PRDM1: variants seen among roughly 807,000 people sequenced by gnomAD.
PRDM1 encodes the protein PR/SET domain 1.
In PRDM1, 13 loss-of-function variants were observed where a neutral mutation model predicts 62.8. The observed-to-expected ratio is 0.21, with a 90% confidence interval of 0.13 to 0.33. The LOEUF (loss-of-function observed/expected upper bound fraction) is 0.33, where lower values mean the gene tolerates loss of function less well. Ranked by LOEUF, PRDM1 falls within the 10% of genes least tolerant of loss-of-function variation. PRDM1 has a pLI of 1.00. For missense variants in PRDM1, 895 were observed against 1,058.8 expected (o/e 0.85, Z 2.15); for synonymous variants, 396 against 417.6 (o/e 0.95, Z 0.63).
intron 1 of PRDM1, among the ~76,000 whole-genome samples, chr6:106,025,709 AG>A (rs1323444958): frequency 6.6e-6 from 1 of 152,260 alleles, no homozygotes; most frequent in African/African-American, 2.4e-5. Flanking sequence ...ATAATAACAT[AG>A]CATTATTATG....
intron 1 of PRDM1, among the ~76,000 whole-genome samples, chr6:106,012,965 G>A (rs1215773581): frequency 6.6e-6 from 1 of 152,202 alleles, no homozygotes; most frequent in Non-Finnish European, 1.5e-5. Flanking sequence ...AGGCTGGAGT[G>A]CAGTGGCACC....
At chr6:106,062,068 T>G (rs1773353270) in intron 1 of PRDM1, among the ~76,000 whole-genome samples, 1 of 152,220 alleles carries the variant, frequency 6.6e-6, no homozygotes, top group Non-Finnish European at 1.5e-5. Context: ...TCATCAGTGT[T>G]GCAGAGCAAG....
chr6:106,015,096 G>A (rs1394681021), intron 1 of PRDM1, among the ~76,000 whole-genome samples: 1 of 152,190 alleles, frequency 6.6e-6, no homozygotes. Flanking sequence ...TGCTGGGATG[G>A]ATAACTCAAA....
chr6:106,099,377 T>C lies in PRDM1; in HGVS notation c.489T>C (p.Asn163=). The part of the protein sequence containing the change: ...EEKSNWMRYV[N]PAHSPREQNL... ...AAAGCAACTGGATGCGCTATGTGAA[T>C]CCAGCACACTCTCCCCGGGAGCAAA... The change falls in exon 4 of 7, where the codon AAT becomes AAC. Residue 163 remains asparagine (N), a synonymous_variant. Coordinates refer to ENST00000369096, the MANE Select transcript of PRDM1 (RefSeq NM_001198.4). 3 of 1,614,168 alleles carry C rather than the reference T, an allele frequency of 1.9e-6. No individual in the cohort carries two copies. Among genetic ancestry groups the C allele is most frequent in the African/African-American group, 2.7e-5 (2 of 75,044 alleles).
intron 1 of PRDM1, among the ~76,000 whole-genome samples, chr6:106,064,635 G>T (rs1193815773): frequency 1.3e-5 from 2 of 152,170 alleles, no homozygotes; most frequent in African/African-American, 4.8e-5. Flanking sequence ...TTTCCTGGCT[G>T]TATAGGCATA....
upstream of PRDM1, among the ~76,000 whole-genome samples, chr6:106,085,478 G>C (rs1454770113): frequency 1.2e-4 from 18 of 152,192 alleles, no homozygotes; most frequent in African/African-American, 4.8e-5. Context: ...CAAGGTCCAC[G>C]CTCTTAATAA....
upstream of PRDM1, among the ~76,000 whole-genome samples, chr6:106,044,194 CT>C (rs559769433): frequency 9.8e-3 from 1,261 of 128,026 alleles, 2 homozygotes; most frequent in South Asian, 0.018. Flanking sequence ...TTTTTTCTTT[CT>C]TTTTTTTTTT....
At chr6:106,009,623 G>T (rs925594002) in intron 1 of PRDM1, among the ~76,000 whole-genome samples, 3 of 152,186 alleles carry the variant, frequency 2.0e-5, no homozygotes, top group Admixed American at 2.0e-4. Context: ...AATTAGGGGT[G>T]CATGTATGAG....
Position 106,107,297 on chromosome 6 carries a change from C to G in PRDM1, c.2289C>G (p.Val763=). The G allele has an allele frequency of 1.2e-6, 2 of 1,614,028 alleles. No individual in the cohort carries two copies. The highest frequency in any genetic ancestry group is 1.7e-6 in the Non-Finnish European group (2 of 1,180,012). The change falls in exon 7 of 7, where the codon GTC becomes GTG. Residue 763 remains valine, a synonymous_variant. Transcript: ENST00000369096. ...TGGAGAAGGAAATTCTGGCCGTGGT[C>G]AGAAAAGAGAAAGAAGAAACTGGCC... ...SVVEKEILAV[V]RKEKEETGLK...
At chr6:106,044,412 T>G (rs898475470), upstream of PRDM1, among the ~76,000 whole-genome samples, 2 of 152,200 alleles carry the variant, frequency 1.3e-5, no homozygotes, top group Non-Finnish European at 2.9e-5. Context: ...CACTTAGTAC[T>G]TTTTGCCAAG....
intron 1 of PRDM1, among the ~76,000 whole-genome samples, chr6:105,997,984 A>G (rs1323945111): frequency 6.6e-6 from 1 of 152,254 alleles, no homozygotes; most frequent in African/African-American, 2.4e-5. Flanking sequence ...AAACTGGTTG[A>G]GTTTAGAAAT....
intron 1 of PRDM1, among the ~76,000 whole-genome samples, chr6:106,074,639 A>T (rs1290445192): frequency 6.6e-6 from 1 of 152,160 alleles, no homozygotes; most frequent in Non-Finnish European, 1.5e-5. Context: ...GAAATAGATG[A>T]AACAACTATA....
In PRDM1 at chr6:106,066,656, T is replaced by C. The variant is rs187893360; in HGVS notation, c.-67+17942T>C. Among the ~76,000 whole-genome samples, 3 of 152,348 alleles carry C rather than the reference T, an allele frequency of 2.0e-5. No individual in the cohort carries two copies. The East Asian group carries it at 5.8e-4, about 29-fold the overall frequency. On this transcript the variant is annotated intron_variant, in intron 1 of 6. Transcript: ENST00000651185. ...TAAAAGTAATATTCATTCTTAAAGA[T>C]TTGAAAAAATACAGAAAAGAAATCA...
intron 1 of PRDM1, among the ~76,000 whole-genome samples, chr6:106,064,489 A>G (rs1773395366): frequency 6.6e-6 from 1 of 152,174 alleles, no homozygotes; most frequent in Non-Finnish European, 1.5e-5. Context: ...TGTTTTGAGG[A>G]CCACCAGAAT....
chr6:106,006,032 A>C (rs1487375432), intron 1 of PRDM1, among the ~76,000 whole-genome samples: 1 of 152,188 alleles, frequency 6.6e-6, no homozygotes, highest in Non-Finnish European at 1.5e-5. Context: ...TTTCAGTTCA[A>C]AACAACGATA....
chr6:106,106,106 A>G lies in PRDM1; in HGVS notation c.1773+173A>G, dbSNP rs1774478712. Among the ~76,000 whole-genome samples the G allele has an allele frequency of 2.6e-5, 4 of 152,198 alleles. No individual in the cohort carries two copies. Among genetic ancestry groups the G allele is most frequent in the Admixed American group, 2.0e-4 (3 of 15,290 alleles). Reference sequence around the variant, plus strand: ...CACTTCTAGCTCTTTGACTTTGGACAAGTGACTTCCCTTCTCCTGATTTTC... The same window carrying G: ...CACTTCTAGCTCTTTGACTTTGGACGAGTGACTTCCCTTCTCCTGATTTTC... On this transcript the variant is annotated intron_variant, in intron 5 of 6. Transcript: ENST00000369096. The surrounding 1 kb of genome is among the most constrained non-coding windows in gnomAD (Gnocchi z 4.4).
intron 1 of PRDM1, among the ~76,000 whole-genome samples, chr6:106,022,368 T>C (rs909504218): frequency 6.6e-6 from 1 of 151,808 alleles, no homozygotes; most frequent in African/African-American, 2.4e-5. Flanking sequence ...GTGATTCCCC[T>C]GCCTTAGCCT....
In PRDM1 at chr6:106,109,465, C is replaced by A. The variant is rs190232310; in HGVS notation, c.*1979C>A. On this transcript the variant is annotated 3_prime_UTR_variant, in exon 7 of 7. Coordinates refer to ENST00000369096, the MANE Select transcript of PRDM1 (RefSeq NM_001198.4). ...TTTTGTTCACATCAACTAATGTTCA[C>A]CTGTAGAAGAGAACAAATTTCGAAT... 8.6e-6 allele frequency: 2 copies of A among 233,504 alleles called. No homozygotes were observed. Among genetic ancestry groups the A allele is most frequent in the Non-Finnish European group, 8.5e-6 (1 of 117,964 alleles). The allele number at this position is 233,504 out of a possible 1,614,324, so 14.5% of individuals were successfully genotyped here.
At chr6:106,025,800 C>G (rs1378061818) in intron 1 of PRDM1, among the ~76,000 whole-genome samples, 1 of 152,154 alleles carries the variant, frequency 6.6e-6, no homozygotes, top group African/African-American at 2.4e-5. Context: ...TGGTTGACCT[C>G]ATAACATACT....
Sources: allele counts gnomAD v4.1 joint callset (sites outside exome capture counted in the v4.1 genomes callset), GRCh38; gene constraint gnomAD v4.1.1; non-coding constraint Gnocchi (gnomAD v3.1); transcripts MANE v1.5; gene names NCBI Gene and HGNC (gene_info 2026-07-23, HGNC 2026-07-21).